The following ANKRD17 variants were observed in gnomAD, a reference collection of about 807,000 sequenced individuals.
ANKRD17 encodes ankyrin repeat domain 17.
Under a neutral mutation model 229.7 loss-of-function variants are expected in ANKRD17, and 19 were observed. The ratio of observed to expected loss-of-function variants is 0.08; its 90% CI spans 0.06 to 0.12. The LOEUF (loss-of-function observed/expected upper bound fraction) is 0.12. Among genes scored for constraint, ANKRD17 ranks in the 10% least tolerant of loss-of-function variants. The probability of loss-of-function intolerance (pLI) is 1.00; values close to 1 mark genes in which losing one functional copy is unlikely to be tolerated. For synonymous variants in ANKRD17, 1,112 were observed against 1,146.1 expected (o/e 0.97, Z 0.60); for missense variants, 2,176 against 3,176.8 (o/e 0.68, Z 7.57).
At position 73,091,355 on chromosome 4, in the gene ANKRD17, T is replaced by A. The variant is rs150208780; in HGVS notation, c.6273A>T (p.Arg2091Ser). 102 of 1,613,938 alleles carry A rather than the reference T, an allele frequency of 6.3e-5. No individual in the cohort carries two copies. The African/African-American group carries it at 1.3e-3, about 20-fold the overall frequency. ...CAGAAGAACTGCTGCTGTTTGGAGG[T>A]CTAGTGTTTGTTGTTTCTACTACTG... ...SPPVVETTNT[R>S]PPNSSSSSGS... The change falls in exon 29 of 34, where the codon AGA becomes AGT. Residue 2091 changes from arginine to serine, a missense_variant. Arg to Ser is a moderately radical substitution (Grantham distance 110, BLOSUM62 -1). Around this residue, in one of 18 missense-constraint regions of ANKRD17, gnomAD observed 424 missense variants for 454.0 expected, o/e 0.93. Coordinates refer to ENST00000358602, the MANE Select transcript of ANKRD17 (RefSeq NM_032217.5).
chr4:73,192,657 A>G lies in ANKRD17; in HGVS notation c.394-15124T>C, dbSNP rs1475534108. Among the ~76,000 whole-genome samples the G allele has an allele frequency of 2.0e-5, 3 of 152,148 alleles. No individual in the cohort carries two copies. The East Asian group carries it at 5.8e-4, about 29-fold the overall frequency. On this transcript the variant is annotated intron_variant, in intron 1 of 33. Transcript: ENST00000358602. ...AAACAAAAATATAAAGAATCACCCA[A>G]CCATTTACATATTTCTAGAATAAAT...
chr4:73,139,456 C>G, intron 15 of ANKRD17, 75 bp downstream of exon 15: 1 of 1,516,622 alleles, frequency 6.6e-7, no homozygotes, highest in Non-Finnish European at 8.8e-7. Flanking sequence ...TGGGTAACGG[C>G]AAAAAATTTG....
chr4:73,241,058 AC>A (rs1275571427), intron 1 of ANKRD17, among the ~76,000 whole-genome samples: 1 of 151,878 alleles, frequency 6.6e-6, no homozygotes, highest in African/African-American at 2.4e-5. Context: ...CAACCCGCCC[AC>A]CTCGGCTTCC....
At chr4:73,136,231 A>G (rs1282252659) in intron 15 of ANKRD17, among the ~76,000 whole-genome samples, 1 of 152,130 alleles carries the variant, frequency 6.6e-6, no homozygotes, top group African/African-American at 2.4e-5. Flanking sequence ...GTATTAAAGT[A>G]TGGGCATTTA....
At chr4:73,099,287 G>T (rs1723672526) in intron 25 of ANKRD17, 1 of 575,994 alleles carries the variant, frequency 1.7e-6, no homozygotes, top group African/African-American at 1.9e-5. Flanking sequence ...CCTTCCACCT[G>T]CACCCTCACC....
intron 28 of ANKRD17, among the ~76,000 whole-genome samples, chr4:73,093,352 C>G (rs1722966508): frequency 6.7e-6 from 1 of 149,196 alleles, no homozygotes; most frequent in African/African-American, 2.5e-5. Context: ...ATCTTCACTT[C>G]AGATTCAAAT....
chr4:73,206,100 T>C (rs1739395492), intron 1 of ANKRD17, among the ~76,000 whole-genome samples: 1 of 151,868 alleles, frequency 6.6e-6, no homozygotes, highest in Admixed American at 6.6e-5. Flanking sequence ...TTGGTAAGGA[T>C]GTGGAGAAAA....
intron 1 of ANKRD17, among the ~76,000 whole-genome samples, chr4:73,224,265 T>G (rs1023713551): frequency 2.6e-5 from 4 of 152,144 alleles, no homozygotes; most frequent in African/African-American, 9.7e-5. Flanking sequence ...GAACAATGTT[T>G]TATGCTCTAA....
At chr4:73,179,516 A>ATTTTT (rs1329977316) in intron 1 of ANKRD17, among the ~76,000 whole-genome samples, 103 of 57,136 alleles carry the variant, frequency 1.8e-3, no homozygotes, top group Admixed American at 4.2e-3. Flanking sequence ...ATATATATAT[A>ATTTTT]TATTTTTTTT....
rs187450801 is a variant in ANKRD17 at position 73,208,832 on chromosome 4, C to A, written c.394-31299G>T. Reference sequence around the variant, plus strand: ...AAAGAAGAAAGATTACAAATAATAACCTAAGCTTCCACATAAAACTAGAAA... The same window carrying A: ...AAAGAAGAAAGATTACAAATAATAAACTAAGCTTCCACATAAAACTAGAAA... On this transcript the variant is annotated intron_variant, in intron 1 of 33. Transcript: ENST00000358602. Among the ~76,000 whole-genome samples, 375 of 152,170 alleles carry A rather than the reference C, an allele frequency of 2.5e-3. 2 individuals carry two copies. Among genetic ancestry groups the A allele is most frequent in the African/African-American group, 8.4e-3 (348 of 41,518 alleles).
chr4:73,138,006 G>A (rs1050916310), intron 15 of ANKRD17, among the ~76,000 whole-genome samples: 2 of 152,032 alleles, frequency 1.3e-5, no homozygotes, highest in Non-Finnish European at 2.9e-5. Context: ...CCATTACTGT[G>A]TAATACCTAT....
At chr4:73,177,900 C>T (rs1409239311) in intron 1 of ANKRD17, among the ~76,000 whole-genome samples, 1 of 152,164 alleles carries the variant, frequency 6.6e-6, no homozygotes, top group South Asian at 2.1e-4. Context: ...AAATGTTTTG[C>T]TTTCAGGACT....
intron 1 of ANKRD17, among the ~76,000 whole-genome samples, chr4:73,212,262 A>G (rs1360291402): frequency 6.6e-6 from 1 of 152,222 alleles, no homozygotes; most frequent in Non-Finnish European, 1.5e-5. Context: ...TATTCACAGA[A>G]AATCAGACTA....
At chr4:73,225,235 A>T (rs917714537) in intron 1 of ANKRD17, among the ~76,000 whole-genome samples, 1 of 152,126 alleles carries the variant, frequency 6.6e-6, no homozygotes, top group East Asian at 1.9e-4. Context: ...TCCCTTCCTC[A>T]AATTTTCCTC....
At chr4:73,089,602 A>T (rs1430215163) in intron 29 of ANKRD17, among the ~76,000 whole-genome samples, 1 of 152,166 alleles carries the variant, frequency 6.6e-6, no homozygotes, top group Non-Finnish European at 1.5e-5. Flanking sequence ...ACCAATATTA[A>T]TTTTTTTAGT....
At chr4:73,226,556 G>A (rs1742533628) in intron 1 of ANKRD17, among the ~76,000 whole-genome samples, 1 of 150,952 alleles carries the variant, frequency 6.6e-6, no homozygotes, top group Non-Finnish European at 1.5e-5. Flanking sequence ...ACCATGCCCA[G>A]CTAATTTCTC....
At chr4:73,102,572 A>G in intron 24 of ANKRD17, 25 bp from the exon 25 acceptor site, 1 of 1,580,348 alleles carries the variant, frequency 6.3e-7, no homozygotes, top group Non-Finnish European at 8.5e-7. Flanking sequence ...TAAAGCAGAA[A>G]TATAACGTTG....
At chr4:73,112,846 G>A (rs1237942105) in intron 24 of ANKRD17, 2 of 400,770 alleles carry the variant, frequency 5.0e-6, no homozygotes, top group African/African-American at 4.4e-5. Flanking sequence ...GGAGTGCAGT[G>A]GCGTGATCTT....
chr4:73,171,179 G>GAGAGAGAGAGAGAA (rs1491160365), intron 2 of ANKRD17, among the ~76,000 whole-genome samples: 3 of 2,604 alleles, frequency 1.2e-3, no homozygotes, highest in African/African-American at 2.6e-3. Context: ...TCAGAGGGGG[G>GAGAGAGAGAGAGAA]AGAGAGAGAG....
Sources: gnomAD v4.1 joint callset for allele counts (sites outside exome capture counted in the v4.1 genomes callset) on GRCh38, gnomAD v4.1.1 for gene constraint, gnomAD v4.1.1 regional missense constraint, MANE v1.5 for transcripts, NCBI Gene and HGNC (gene_info 2026-07-23, HGNC 2026-07-21) for gene names.